The following SLC9A9 variants were observed in gnomAD, a reference collection of about 807,000 sequenced individuals.
The protein encoded by SLC9A9 is sodium/hydrogen exchanger 9.
In SLC9A9, 62 loss-of-function variants were observed where a neutral mutation model predicts 77.8. The observed-to-expected ratio is 0.80, with a 90% CI of 0.65 to 0.98. The LOEUF is 0.98. Among genes scored for constraint, SLC9A9 ranks in the 50% least tolerant of loss-of-function variants. SLC9A9 has a pLI of 0.00. For synonymous variants in SLC9A9, 320 were observed against 283.5 expected (o/e 1.13, Z -1.29); for missense variants, 775 against 774.9 (o/e 1.00, Z 0.00).
At chr3:143,388,093 G>C (rs575361336) in intron 12 of SLC9A9, among the ~76,000 whole-genome samples, 60 of 152,276 alleles carry the variant, frequency 3.9e-4, no homozygotes, top group Admixed American at 6.5e-4. Context: ...AGTAAGGGAA[G>C]AGTGGCTGGA....
At chr3:143,272,394 G>GTTGAA (rs1199260329) in intron 14 of SLC9A9, among the ~76,000 whole-genome samples, 2 of 152,220 alleles carry the variant, frequency 1.3e-5, no homozygotes, top group Non-Finnish European at 2.9e-5. Context: ...TGAAATAGTA[G>GTTGAA]TTGAATTAAT....
chr3:143,714,660 C>A (rs1465841575), intron 4 of SLC9A9, among the ~76,000 whole-genome samples: 1 of 152,204 alleles, frequency 6.6e-6, no homozygotes, highest in African/African-American at 2.4e-5. Flanking sequence ...GTTATGCCCT[C>A]CAAGATCCAT....
chr3:143,485,679 G>T (rs532586805), intron 11 of SLC9A9, among the ~76,000 whole-genome samples: 2 of 152,156 alleles, frequency 1.3e-5, no homozygotes, highest in South Asian at 2.1e-4. Flanking sequence ...AGACTCAAAT[G>T]TCAAGTTTTT....
intron 4 of SLC9A9, among the ~76,000 whole-genome samples, chr3:143,722,402 G>A (rs1934526396): frequency 6.9e-6 from 1 of 145,612 alleles, no homozygotes; most frequent in Admixed American, 7.3e-5. Context: ...GAACCAGGGA[G>A]GCGGAGCTTG....
At chr3:143,498,480 G>A (rs2035875684) in intron 9 of SLC9A9, among the ~76,000 whole-genome samples, 1 of 151,124 alleles carries the variant, frequency 6.6e-6, no homozygotes, top group Admixed American at 6.6e-5. Context: ...CTTGAACCCA[G>A]GAGGTGGACG....
chr3:143,449,865 AAAATATATAATTATAT>A (rs1219681567), intron 12 of SLC9A9, among the ~76,000 whole-genome samples: 2 of 85,654 alleles, frequency 2.3e-5, no homozygotes, highest in South Asian at 3.9e-4. Flanking sequence ...TTATATATAT[AAAATATATAATTATAT>A]AAATATATAA....
chr3:143,607,226 A>G (rs1387584786), intron 6 of SLC9A9, among the ~76,000 whole-genome samples: 1 of 152,170 alleles, frequency 6.6e-6, no homozygotes, highest in African/African-American at 2.4e-5. Context: ...TAAGCAAAAG[A>G]ATAATAATTA....
rs371113015 is a variant in SLC9A9, at chr3:143,290,138, G to A, written c.1605-21158C>T. ...ACAGCCTGCACCCAATATAACTCAGGGGGAGGAGGGAAACCATGTAATCTA... is the reference window on the plus strand; with the variant it reads ...ACAGCCTGCACCCAATATAACTCAGAGGGAGGAGGGAAACCATGTAATCTA... On this transcript the variant is annotated intron_variant, in intron 14 of 15. Coordinates refer to ENST00000316549, the MANE Select transcript of SLC9A9 (RefSeq NM_173653.4). Among the ~76,000 whole-genome samples the A allele has an allele frequency of 6.6e-5, 10 of 150,512 alleles. 1 individual carries two copies. The highest frequency in any genetic ancestry group is 2.5e-4 in the African/African-American group (10 of 39,922).
At chr3:143,651,491 C>T (rs2038794437) in intron 6 of SLC9A9, among the ~76,000 whole-genome samples, 1 of 152,194 alleles carries the variant, frequency 6.6e-6, no homozygotes, top group Non-Finnish European at 1.5e-5. Context: ...GTAATTAACA[C>T]CCAGAATAGA....
intron 2 of SLC9A9, among the ~76,000 whole-genome samples, chr3:143,829,913 C>T (rs556401624): frequency 4.6e-5 from 7 of 152,250 alleles, no homozygotes; most frequent in South Asian, 2.1e-4. Context: ...TTAAGCTCCT[C>T]ACTTCACAAA....
intron 12 of SLC9A9, among the ~76,000 whole-genome samples, chr3:143,402,334 C>A (rs1482687129): frequency 6.6e-6 from 1 of 152,008 alleles, no homozygotes; most frequent in African/African-American, 2.4e-5. Flanking sequence ...ATACTTATTG[C>A]TCGAGATGTC....
At chr3:143,449,854 A>AAATATATAT (rs1211923196) in intron 12 of SLC9A9, among the ~76,000 whole-genome samples, 16 of 58,916 alleles carry the variant, frequency 2.7e-4, no homozygotes, top group African/African-American at 1.1e-3. Context: ...TATATATATA[A>AAATATATAT]TTATATATAT....
At chr3:143,297,132 T>C (rs1221772920) in intron 14 of SLC9A9, among the ~76,000 whole-genome samples, 2 of 152,220 alleles carry the variant, frequency 1.3e-5, no homozygotes, top group African/African-American at 4.8e-5. Flanking sequence ...CTATATTTTT[T>C]CCTAGGAGTT....
chr3:143,321,959 A>G (rs537193430), intron 14 of SLC9A9, among the ~76,000 whole-genome samples: 1 of 152,244 alleles, frequency 6.6e-6, no homozygotes, highest in East Asian at 1.9e-4. Context: ...CCCTTGTTCT[A>G]CCCTAACTGG....
chr3:143,819,622 T>TA (rs960977822), intron 2 of SLC9A9, among the ~76,000 whole-genome samples: 18 of 150,282 alleles, frequency 1.2e-4, no homozygotes, highest in South Asian at 4.2e-4. Flanking sequence ...CCTTTGTAAA[T>TA]AAAAAAAAAA....
intron 5 of SLC9A9, among the ~76,000 whole-genome samples, chr3:143,672,520 T>C (rs1385892410): frequency 1.3e-5 from 2 of 152,118 alleles, no homozygotes; most frequent in African/African-American, 4.8e-5. Context: ...GTTAGAAAAA[T>C]TAAATATTTA....
intron 2 of SLC9A9, among the ~76,000 whole-genome samples, chr3:143,798,501 C>A (rs2108861228): frequency 6.6e-6 from 1 of 152,310 alleles, no homozygotes; most frequent in African/African-American, 2.4e-5. Context: ...GCCTCCTTCA[C>A]TATAGGCAAG....
At chr3:143,372,515 G>A (rs549782675) in intron 13 of SLC9A9, among the ~76,000 whole-genome samples, 1 of 151,970 alleles carries the variant, frequency 6.6e-6, no homozygotes, top group East Asian at 1.9e-4. Context: ...ACCATAAAAA[G>A]TCTAGAAGAT....
At chr3:143,810,671 A>G (rs1273403832) in intron 2 of SLC9A9, among the ~76,000 whole-genome samples, 1 of 152,254 alleles carries the variant, frequency 6.6e-6, no homozygotes, top group Non-Finnish European at 1.5e-5. Flanking sequence ...AGGAGTGTTT[A>G]AGAGAAGTTG....
Sources: gnomAD v4.1 joint callset for allele counts (sites outside exome capture counted in the v4.1 genomes callset) on GRCh38, gnomAD v4.1.1 for gene constraint, MANE v1.5 for transcripts, NCBI Gene and HGNC (gene_info 2026-07-23, HGNC 2026-07-21) for gene names.